Variants in DLG2 observed in about 807,000 individuals in gnomAD.
DLG2 encodes the protein disks large homolog 2.
In DLG2, 45 loss-of-function variants were observed where a neutral mutation model predicts 132.5. The observed-to-expected ratio is 0.34, with a 90% confidence interval of 0.27 to 0.44. DLG2 has a LOEUF of 0.44. Among genes scored for constraint, DLG2 ranks in the 20% least tolerant of loss-of-function variants. DLG2 has a pLI of 1.00. For synonymous variants in DLG2, 424 were observed against 419.6 expected (o/e 1.01, Z -0.13); for missense variants, 1,045 against 1,196.9 (o/e 0.87, Z 1.87).
chr11:83,920,115 C>T (rs1383224757), intron 15 of DLG2, among the ~76,000 whole-genome samples: 1 of 152,136 alleles, frequency 6.6e-6, no homozygotes, highest in Non-Finnish European at 1.5e-5. Flanking sequence ...AAGGCTTTGG[C>T]CGCTTAGTAG....
At chr11:85,021,685 G>A in intron 6 of DLG2, 3 of 1,014,960 alleles carry the variant, frequency 3.0e-6, no homozygotes, top group Non-Finnish European at 4.6e-6. Context: ...TCACACAGCT[G>A]AAAATGTGGC....
chr11:84,595,207 C>T (rs931307175), intron 6 of DLG2, among the ~76,000 whole-genome samples: 19 of 152,100 alleles, frequency 1.2e-4, no homozygotes, highest in Non-Finnish European at 1.2e-4. Context: ...CAGGCTCAAG[C>T]GATCCTCCTA....
chr11:85,323,138 G>A (rs1317263184), intron 3 of DLG2, among the ~76,000 whole-genome samples: 1 of 152,154 alleles, frequency 6.6e-6, no homozygotes. Flanking sequence ...TCACTGTGAG[G>A]AGCTGGAGGA....
intron 7 of DLG2, among the ~76,000 whole-genome samples, chr11:84,403,992 T>A (rs893442195): frequency 4.6e-5 from 7 of 152,214 alleles, no homozygotes; most frequent in African/African-American, 7.2e-5. Flanking sequence ...AATATTTTTA[T>A]ATCACTCTTA....
chr11:85,362,077 C>T (rs1340633110), intron 3 of DLG2, among the ~76,000 whole-genome samples: 2 of 152,162 alleles, frequency 1.3e-5, no homozygotes, highest in East Asian at 1.9e-4. Flanking sequence ...TCAAGTGATC[C>T]TTCCAAGTAG....
chr11:85,479,215 A>T (rs918442294), intron 3 of DLG2, among the ~76,000 whole-genome samples: 1 of 152,202 alleles, frequency 6.6e-6, no homozygotes, highest in Admixed American at 6.5e-5. Context: ...AACAATAAAC[A>T]TTTACTTCTC....
In DLG2 at chr11:83,631,210, G is replaced by A. The variant is rs2063510210; in HGVS notation, c.1940+2001C>T. 2 of 91,294 alleles carry A rather than the reference G, an allele frequency of 2.2e-5. 1 individual carries two copies. Among genetic ancestry groups the A allele is most frequent in the African/African-American group, 8.7e-5 (2 of 23,048 alleles). The allele number at this position is 91,294 out of a possible 1,614,324, so 5.7% of individuals were successfully genotyped here. ...TTTGGTCTGTTTTATCACTTTTCAT[G>A]AGAATAAGGCCAGGGGGCTCTTGTA... On this transcript the variant is annotated intron_variant, in intron 19 of 27. Coordinates refer to ENST00000376104, the MANE Select transcript of DLG2 (RefSeq NM_001142699.3).
intron 11 of DLG2, among the ~76,000 whole-genome samples, chr11:83,997,761 A>G (rs1443416098): frequency 8.7e-6 from 1 of 114,328 alleles, no homozygotes; most frequent in East Asian, 3.0e-4. Flanking sequence ...AAAAAAAAAA[A>G]AAAAAAAGGT....
chr11:85,194,024 A>C (rs768915204), intron 4 of DLG2, among the ~76,000 whole-genome samples: 1 of 152,248 alleles, frequency 6.6e-6, no homozygotes, highest in Non-Finnish European at 1.5e-5. Flanking sequence ...CCCCCAGGGC[A>C]GAATGCACTT....
intron 14 of DLG2, among the ~76,000 whole-genome samples, chr11:83,960,456 T>C (rs2088315388): frequency 6.6e-6 from 1 of 152,082 alleles, no homozygotes; most frequent in Non-Finnish European, 1.5e-5. Context: ...TTTTCTCTTC[T>C]AAGTAAAAAC....
intron 6 of DLG2, among the ~76,000 whole-genome samples, chr11:84,691,582 C>CA (rs1565674374): frequency 1.3e-5 from 2 of 151,758 alleles, no homozygotes; most frequent in Admixed American, 6.6e-5. Flanking sequence ...CATCCAAAAC[C>CA]ATCATTTTTC....
At chr11:83,496,839 CA>C (rs2094172242) in intron 21 of DLG2, among the ~76,000 whole-genome samples, 1 of 152,150 alleles carries the variant, frequency 6.6e-6, no homozygotes, top group Non-Finnish European at 1.5e-5. Flanking sequence ...ACTGTATTTC[CA>C]GCCCATGCTA....
At chr11:85,077,478 A>G (rs1047709142) in intron 6 of DLG2, among the ~76,000 whole-genome samples, 1 of 152,030 alleles carries the variant, frequency 6.6e-6, no homozygotes, top group Admixed American at 6.6e-5. Flanking sequence ...AAATTTTTTT[A>G]TGTTGTGTCT....
chr11:85,545,091 G>A (rs568345340), intron 3 of DLG2, among the ~76,000 whole-genome samples: 3 of 152,168 alleles, frequency 2.0e-5, no homozygotes, highest in African/African-American at 7.2e-5. Flanking sequence ...AATGCTTCCA[G>A]TTTTTGCCCA....
intron 6 of DLG2, among the ~76,000 whole-genome samples, chr11:85,061,922 A>T (rs641958): frequency 3.3e-5 from 5 of 151,588 alleles, no homozygotes; most frequent in African/African-American, 9.7e-5. Flanking sequence ...CAGTCACTTT[A>T]CTCCTAACAT....
chr11:84,932,814 A>T (rs562159760), intron 6 of DLG2, among the ~76,000 whole-genome samples: 16 of 152,298 alleles, frequency 1.1e-4, no homozygotes, highest in Admixed American at 5.2e-4. Context: ...TAGTGCTGCG[A>T]TAAACATGTG....
chr11:84,545,528 C>T, intron 6 of DLG2: 1 of 392,186 alleles, frequency 2.5e-6, no homozygotes, highest in Non-Finnish European at 5.0e-6. Context: ...AAGCACTAGC[C>T]TTCTCTTGCT....
In DLG2 at chr11:84,250,470, CCTT is replaced by C. The variant is rs2097357072; in HGVS notation, c.573+765_573+767del. Among the ~76,000 whole-genome samples the C allele has an allele frequency of 3.3e-5, 5 of 152,264 alleles. No homozygotes were observed. The South Asian group carries it at 1.0e-3, about 32-fold the overall frequency. On this transcript the variant is annotated intron_variant, in intron 8 of 27. Transcript: ENST00000376104. The stretch of plus-strand genomic sequence containing the variant: ...TGTTGTTGTCCATTACCCTTGTAGC[CCTT>C]CTTCTCAGCTTCATACCCCCTGTCT...
chr11:85,010,032 T>C (rs952741634), intron 6 of DLG2, among the ~76,000 whole-genome samples: 1 of 152,088 alleles, frequency 6.6e-6, no homozygotes, highest in Admixed American at 6.5e-5. Flanking sequence ...GCCATTGTTT[T>C]CAGGTGTGTA....
Sources: allele counts gnomAD v4.1 joint callset (sites outside exome capture counted in the v4.1 genomes callset), GRCh38; gene constraint gnomAD v4.1.1; transcripts MANE v1.5; gene names NCBI Gene and HGNC (gene_info 2026-07-23, HGNC 2026-07-21).